Variants in NKD2 observed in about 807,000 individuals in gnomAD.
NKD2 encodes the protein protein naked cuticle homolog 2.
In NKD2, 43 loss-of-function variants were observed where a neutral mutation model predicts 34.8. The observed-to-expected ratio is 1.24, with a 90% CI of 0.97 to 1.60. NKD2 has a LOEUF of 1.60. Ranked by LOEUF, NKD2 falls within the 40% of genes most tolerant of loss-of-function variation. The pLI is 0.00. For missense variants in NKD2, 675 were observed against 627.1 expected (o/e 1.08, Z -0.82); for synonymous variants, 278 against 265.1 (o/e 1.05, Z -0.47).
chr5:1,038,417 C>T lies in NKD2; in HGVS notation c.*44C>T, dbSNP rs762186974. On this transcript the variant is annotated 3_prime_UTR_variant, in exon 10 of 10. Coordinates refer to ENST00000296849, the MANE Select transcript of NKD2 (RefSeq NM_033120.4). This position sits in a 1 kb window ranked among gnomAD's most constrained non-coding sequence, Gnocchi z 4.5. ...CTCGCTCCCAGCACACCACAGCCCG[C>T]GACCTCAGGGCAGGGAGCAGAGCAG... is the stretch of plus-strand genomic sequence containing the variant. The T allele has an allele frequency of 7.5e-5, 115 of 1,535,476 alleles. No homozygotes were observed. Among genetic ancestry groups the T allele is most frequent in the South Asian group, 2.0e-4 (17 of 84,022 alleles).
In NKD2 at chr5:1,009,574, C is replaced by T. The variant is rs1051137303; in HGVS notation, c.141+14C>T. The T allele has an allele frequency of 2.0e-6, 3 of 1,467,516 alleles. No homozygotes were observed. Among genetic ancestry groups the T allele is most frequent in the Non-Finnish European group, 2.7e-6 (3 of 1,119,334 alleles). 90.9% of individuals were successfully genotyped at this position (1,467,516 alleles called of 1,614,324 possible). A position where few individuals can be genotyped will look rare whatever the true frequency, so the allele number is the denominator to read the frequency against. On this transcript the variant is annotated intron_variant, in intron 3 of 9. Coordinates refer to ENST00000296849, the MANE Select transcript of NKD2 (RefSeq NM_033120.4). The surrounding 1 kb of genome is among the most constrained non-coding windows in gnomAD (Gnocchi z 6.9). ...CGGGACAAGCAGGTAGGCGGCGGGGCGGAGGCTGGGGTCGCGCTGCGCACC... is the reference window on the plus strand; with the variant it reads ...CGGGACAAGCAGGTAGGCGGCGGGGTGGAGGCTGGGGTCGCGCTGCGCACC...
rs1756727697 is a variant in NKD2, at chr5:1,033,470, G to A, written c.301G>A (p.Gly101Arg). The A allele has an allele frequency of 6.4e-7, 1 of 1,553,582 alleles. No homozygotes were observed. The highest frequency in any genetic ancestry group is 1.9e-5 in the Admixed American group (1 of 51,646). The change falls in exon 5 of 10, where the codon GGA becomes AGA. Residue 101 changes from glycine (G) to arginine (R), a missense_variant. Physicochemically the swap from Gly to Arg is moderately radical, Grantham distance 125 (BLOSUM62 -2). Coordinates refer to ENST00000296849, the MANE Select transcript of NKD2 (RefSeq NM_033120.4). Reference protein sequence around the residue: ...ERAANREGPRGPGGQRLNIDA... With the variant: ...ERAANREGPRRPGGQRLNIDA... ...GGCAGCAAACCGCGAGGGCCCGCGA[G>A]GACCGGGCGGGCAGCGCCTCAACAT...
intron 4 of NKD2, 24 bp downstream of exon 4, chr5:1,032,236 C>T: frequency 6.3e-7 from 1 of 1,587,956 alleles, no homozygotes. Flanking sequence ...CCGCAGCCCT[C>T]CCTCCCCAAA....
Position 1,009,677 on chromosome 5 carries a change from C to T in NKD2, c.141+117C>T. On this transcript the variant is annotated intron_variant, in intron 3 of 9. Transcript: ENST00000296849. The surrounding 1 kb of genome is among the most constrained non-coding windows in gnomAD (Gnocchi z 6.9). Reference sequence around the variant, plus strand: ...CAGGCGAGACGTGGGCCGCCATGGCCGCACGAGTGACCGGGGGCCAGGAGA... The same window carrying T: ...CAGGCGAGACGTGGGCCGCCATGGCTGCACGAGTGACCGGGGGCCAGGAGA... 6.1e-6 allele frequency: 5 copies of T among 823,424 alleles called. No individual in the cohort carries two copies. Among genetic ancestry groups the T allele is most frequent in the Non-Finnish European group, 8.6e-6 (5 of 581,652 alleles). 51.0% of individuals were successfully genotyped at this position (823,424 alleles called of 1,614,324 possible).
chr5:1,019,640 AG>A (rs926141741), intron 3 of NKD2, among the ~76,000 whole-genome samples: 3 of 152,230 alleles, frequency 2.0e-5, no homozygotes, highest in Admixed American at 6.5e-5. Flanking sequence ...CTCAGTCCCC[AG>A]GGTCTGGAGC....
chr5:1,032,039 C>A, intron 3 of NKD2, 113 bp from the exon 4 acceptor site: 2 of 799,568 alleles, frequency 2.5e-6, no homozygotes, highest in Non-Finnish European at 2.1e-6. Flanking sequence ...TGAGACGCCC[C>A]AGGAGGCCTG....
chr5:1,030,842 C>T (rs1427588152), intron 3 of NKD2, among the ~76,000 whole-genome samples: 2 of 152,230 alleles, frequency 1.3e-5, no homozygotes, highest in Admixed American at 1.3e-4. Context: ...TGCCTTGGCA[C>T]CGCCCTGGGC....
chr5:1,038,163 C>T lies in NKD2; in HGVS notation c.1146C>T (p.His382=), dbSNP rs200848747. The T allele has an allele frequency of 1.6e-3, 2,546 of 1,585,962 alleles. 6 individuals are homozygous for T. Among genetic ancestry groups the T allele is most frequent in the Non-Finnish European group, 2.1e-3 (2,458 of 1,168,202 alleles). ...AGCCCCCACCGCCACCCTACGGCCACAAGCGGTACCGCCAAAAGGGCAGGG... is the reference window on the plus strand; with the variant it reads ...AGCCCCCACCGCCACCCTACGGCCATAAGCGGTACCGCCAAAAGGGCAGGG... ...LPQPPPPPYG[H]KRYRQKGREG... is the part of the protein sequence containing the mutation. Residue 382 remains histidine (H), a synonymous_variant, in exon 10 of 10, where the codon CAC becomes CAT. Coordinates refer to ENST00000296849, the MANE Select transcript of NKD2 (RefSeq NM_033120.4). The surrounding 1 kb of genome is among the most constrained non-coding windows in gnomAD (Gnocchi z 4.5).
Position 1,009,483 on chromosome 5 carries a change from G to A in NKD2, c.64G>A (p.Asp22Asn), listed in dbSNP as rs1444300889. Reference protein sequence around the residue: ...ARKRRESPEGDSFVASAYASG... With the variant: ...ARKRRESPEGNSFVASAYASG... Reference sequence around the variant, plus strand: ...GCGCGTCCGCCCCCGGACCGCAGGGGACAGCTTCGTGGCGTCCGCGTACGC... The same window carrying A: ...GCGCGTCCGCCCCCGGACCGCAGGGAACAGCTTCGTGGCGTCCGCGTACGC... Residue 22 changes from aspartate to asparagine, a missense_variant and splice_region_variant, in exon 3 of 10, where the codon GAC becomes AAC. By Grantham distance (23) the Asp-to-Asn change is conservative. Coordinates refer to ENST00000296849, the MANE Select transcript of NKD2 (RefSeq NM_033120.4). The surrounding 1 kb of genome is among the most constrained non-coding windows in gnomAD (Gnocchi z 6.9). 2.7e-6 allele frequency: 4 copies of A among 1,500,704 alleles called. No individual in the cohort carries two copies. Among genetic ancestry groups the A allele is most frequent in the Non-Finnish European group, 2.6e-6 (3 of 1,132,932 alleles). The allele number at this position is 1,500,704 out of a possible 1,614,324, so 93.0% of individuals were successfully genotyped here. A position where few individuals can be genotyped will look rare whatever the true frequency, so the allele number is the denominator to read the frequency against.
At position 1,009,089 on chromosome 5, in the gene NKD2, C is replaced by CGCGGG. The variant is rs2150720856; in HGVS notation, c.25+8_25+12dup. On this transcript the variant is annotated splice_region_variant and intron_variant, in intron 1 of 9. Transcript: ENST00000296849. The surrounding 1 kb of genome is among the most constrained non-coding windows in gnomAD (Gnocchi z 6.9). Reference sequence around the variant, plus strand: ...AAACTGCAGTCGAAGCACGGTGAGCCGCGGGCCGGTAGGGCGGGAGGGCGG... The same window carrying CGCGGG: ...AAACTGCAGTCGAAGCACGGTGAGCCGCGGGGCGGGCCGGTAGGGCGGGAGGGCGG... 4.3e-6 allele frequency: 1 copy of CGCGGG among 234,890 alleles called. No homozygotes were observed. The highest frequency in any genetic ancestry group is 1.2e-4 in the East Asian group (1 of 8,194). 14.6% of individuals were successfully genotyped at this position (234,890 alleles called of 1,614,324 possible).
rs1179102834 is a variant in NKD2 at position 1,037,432 on chromosome 5, C to A, written c.788-373C>A. 4.1e-6 allele frequency: 5 copies of A among 1,219,264 alleles called. No homozygotes were observed. The East Asian group carries it at 1.0e-4, about 25-fold the overall frequency. The allele number at this position is 1,219,264 out of a possible 1,614,324, so 75.5% of individuals were successfully genotyped here. A position where few individuals can be genotyped will look rare whatever the true frequency, so the allele number is the denominator to read the frequency against. On this transcript the variant is annotated intron_variant, in intron 9 of 9. Transcript: ENST00000296849. ...TGGCAGTCCTGAGTCCTTCTCAAAT[C>A]TATTTTGTAATGAGGGTTTAGGGGA...
intron 8 of NKD2, 55 bp from the exon 9 acceptor site, chr5:1,036,200 CAG>C (rs1733909737): frequency 4.8e-6 from 7 of 1,465,586 alleles, no homozygotes; most frequent in East Asian, 2.5e-5. Flanking sequence ...ACCCCGTCAT[CAG>C]GGGTGCGCCA....
intron 3 of NKD2, among the ~76,000 whole-genome samples, chr5:1,011,416 G>T (rs1755747048): frequency 1.3e-5 from 2 of 152,172 alleles, no homozygotes; most frequent in Non-Finnish European, 2.9e-5. Context: ...GGCCACCACA[G>T]CGAAGTGTCC....
chr5:1,028,004 G>T (rs1489452978), intron 3 of NKD2, among the ~76,000 whole-genome samples: 1 of 152,226 alleles, frequency 6.6e-6, no homozygotes, highest in East Asian at 1.9e-4. Flanking sequence ...GCTGCCGAGC[G>T]CTGGCACGTG....
rs549834855 is a variant in NKD2 at position 1,027,019 on chromosome 5, T to G, written c.142-5133T>G. 1.1e-3 allele frequency among the ~76,000 whole-genome samples: 162 copies of G among 152,316 alleles called. 1 individual carries two copies. The highest frequency in any genetic ancestry group is 3.7e-3 in the African/African-American group (154 of 41,574). On this transcript the variant is annotated intron_variant, in intron 3 of 9. Coordinates refer to ENST00000296849, the MANE Select transcript of NKD2 (RefSeq NM_033120.4). ...GTAGGATTAGCCCTGCAGAACAGGG[T>G]GGCCACAGGGGTGGTGACAATGACC...
intron 3 of NKD2, among the ~76,000 whole-genome samples, chr5:1,020,630 G>A (rs976754899): frequency 2.0e-5 from 3 of 151,530 alleles, no homozygotes; most frequent in Non-Finnish European, 2.9e-5. Context: ...TCGGCTGCCT[G>A]GTCAAAAAGC....
At chr5:1,037,396 C>G in intron 9 of NKD2, 1 of 875,244 alleles carries the variant, frequency 1.1e-6, no homozygotes, top group Admixed American at 2.3e-5. Flanking sequence ...TCGCACTGCA[C>G]GTTGTGAAGG....
intron 3 of NKD2, among the ~76,000 whole-genome samples, chr5:1,014,225 A>G (rs960565089): frequency 6.6e-6 from 1 of 152,076 alleles, no homozygotes; most frequent in African/African-American, 2.4e-5. Flanking sequence ...TGAGGTTTTC[A>G]TCTTGTTTTG....
At chr5:1,011,665 G>A (rs1217784909) in intron 3 of NKD2, among the ~76,000 whole-genome samples, 3 of 152,186 alleles carry the variant, frequency 2.0e-5, no homozygotes, top group Admixed American at 6.5e-5. Flanking sequence ...GAGATTGGGC[G>A]CACTAAGAGC....
Sources: allele counts gnomAD v4.1 joint callset (sites outside exome capture counted in the v4.1 genomes callset), GRCh38; gene constraint gnomAD v4.1.1; non-coding constraint Gnocchi (gnomAD v3.1); transcripts MANE v1.5; gene names NCBI Gene and HGNC (gene_info 2026-07-23, HGNC 2026-07-21).